The following MMP16 variants were observed in gnomAD, a reference collection of about 807,000 sequenced individuals.
MMP16 encodes matrix metalloproteinase-16.
A neutral mutation model predicts 67.8 loss-of-function variants in MMP16; 12 were observed. The ratio of observed to expected loss-of-function variants is 0.18; its 90% CI spans 0.11 to 0.29. MMP16 has a LOEUF of 0.29. MMP16 is among the 10% of genes least tolerant of loss of function. The probability of loss-of-function intolerance (pLI) is 1.00; values close to 1 mark genes in which losing one functional copy is unlikely to be tolerated. For synonymous variants in MMP16, 249 were observed against 255.9 expected, an observed-to-expected ratio of 0.97 and a Z score of 0.26; for missense variants, 475 against 765.7, an observed-to-expected ratio of 0.62 and a Z score of 4.48.
At chr8:88,218,016 ATTG>A (rs978627717) in intron 1 of MMP16, among the ~76,000 whole-genome samples, 5 of 151,882 alleles carry the variant, frequency 3.3e-5, no homozygotes, top group Non-Finnish European at 7.4e-5. Flanking sequence ...ATTTACTTTT[ATTG>A]TTTTGTTTCA....
chr8:88,299,195 T>C (rs1285781013), intron 1 of MMP16, among the ~76,000 whole-genome samples: 1 of 152,150 alleles, frequency 6.6e-6, no homozygotes, highest in African/African-American at 2.4e-5. Flanking sequence ...AGAAAATATA[T>C]TGCAAACAGA....
At chr8:88,159,892 T>G (rs1265239934) in intron 4 of MMP16, among the ~76,000 whole-genome samples, 1 of 152,154 alleles carries the variant, frequency 6.6e-6, no homozygotes, top group African/African-American at 2.4e-5. Flanking sequence ...GAGATAATCA[T>G]GCGGTTTTCG....
At chr8:88,245,276 A>C (rs1315184486) in intron 1 of MMP16, among the ~76,000 whole-genome samples, 5 of 152,204 alleles carry the variant, frequency 3.3e-5, no homozygotes, top group Admixed American at 2.6e-4. Context: ...GGGACCAATA[A>C]ATATACAGGC....
intron 2 of MMP16, among the ~76,000 whole-genome samples, chr8:88,192,919 C>T (rs994369614): frequency 2.0e-5 from 3 of 151,932 alleles, no homozygotes; most frequent in African/African-American, 7.3e-5. Context: ...AGCTGGGGGG[C>T]ATCTGAAGAA....
chr8:88,286,130 A>G (rs28630437), intron 1 of MMP16, among the ~76,000 whole-genome samples: 18,600 of 151,960 alleles, frequency 0.12, 1,239 homozygotes, highest in Non-Finnish European at 0.15. Context: ...ACTCCTTCCC[A>G]CTCAATACAC....
rs1809479484 is a variant in MMP16, at chr8:88,118,694, A to G, written c.871+6T>C. 1 of 1,611,940 alleles carries G rather than the reference A, an allele frequency of 6.2e-7. No individual in the cohort carries two copies. Among genetic ancestry groups the G allele is most frequent in the Non-Finnish European group, 8.5e-7 (1 of 1,178,700 alleles). On this transcript the variant is annotated splice_donor_region_variant and intron_variant, in intron 5 of 9. Coordinates refer to ENST00000286614, the MANE Select transcript of MMP16 (RefSeq NM_005941.5). ...GATTAAGCAAATTGAAACAGTAGTAACCTACCATATATCTTCTGGATGCCC... is the reference window on the plus strand; with the variant it reads ...GATTAAGCAAATTGAAACAGTAGTAGCCTACCATATATCTTCTGGATGCCC...
At chr8:88,064,547 C>T (rs868228931) in intron 7 of MMP16, among the ~76,000 whole-genome samples, 2 of 152,076 alleles carry the variant, frequency 1.3e-5, no homozygotes, top group Middle Eastern at 3.4e-3. Flanking sequence ...TAACTTAATG[C>T]TCGCTTGGAA....
intron 1 of MMP16, among the ~76,000 whole-genome samples, chr8:88,289,348 G>A (rs1810884436): frequency 6.6e-6 from 1 of 152,032 alleles, no homozygotes; most frequent in South Asian, 2.1e-4. Flanking sequence ...TGGAGAAAAA[G>A]GAACATTTTA....
intron 3 of MMP16, among the ~76,000 whole-genome samples, chr8:88,179,596 CTT>C (rs1035540912): frequency 3.3e-5 from 5 of 152,040 alleles, no homozygotes; most frequent in Non-Finnish European, 7.4e-5. Flanking sequence ...CTAACAATAA[CTT>C]TTCAAAATAA....
chr8:88,167,014 C>T (rs1367482605), intron 4 of MMP16, among the ~76,000 whole-genome samples: 1 of 151,902 alleles, frequency 6.6e-6, no homozygotes, highest in African/African-American at 2.4e-5. Flanking sequence ...GAGTTAGAGA[C>T]CAGCCTGACC....
At chr8:88,285,524 C>G (rs1306111874) in intron 1 of MMP16, among the ~76,000 whole-genome samples, 1 of 152,144 alleles carries the variant, frequency 6.6e-6, no homozygotes, top group East Asian at 1.9e-4. Context: ...AAGTTCTTCA[C>G]TTTCAAAGTA....
chr8:88,269,634 A>G (rs1359438531), intron 1 of MMP16, among the ~76,000 whole-genome samples: 1 of 152,200 alleles, frequency 6.6e-6, no homozygotes, highest in African/African-American at 2.4e-5. Context: ...CAGCCTGGAA[A>G]ATAGTCACTG....
intron 1 of MMP16, among the ~76,000 whole-genome samples, chr8:88,277,345 T>C (rs1296684208): frequency 6.6e-6 from 1 of 152,200 alleles, no homozygotes; most frequent in African/African-American, 2.4e-5. Flanking sequence ...AAGTATTCTA[T>C]TCAGGTTATT....
intron 4 of MMP16, among the ~76,000 whole-genome samples, chr8:88,128,949 T>G (rs147553781): frequency 6.6e-6 from 1 of 151,906 alleles, no homozygotes; most frequent in East Asian, 2.0e-4. Context: ...AATTCCCAGC[T>G]CTTGAGGACT....
chr8:88,093,193 A>G (rs1808968138), intron 6 of MMP16, among the ~76,000 whole-genome samples: 3 of 151,840 alleles, frequency 2.0e-5, no homozygotes, highest in Non-Finnish European at 1.5e-5. Context: ...ATGCTAGCAA[A>G]ACACTGGGAG....
chr8:88,318,956 G>A (rs1456547570), intron 1 of MMP16, among the ~76,000 whole-genome samples: 1 of 152,144 alleles, frequency 6.6e-6, no homozygotes, highest in African/African-American at 2.4e-5. Context: ...TTCAGGGACT[G>A]AGACACCATG....
At chr8:88,313,259 G>C (rs894628855) in intron 1 of MMP16, among the ~76,000 whole-genome samples, 1 of 152,152 alleles carries the variant, frequency 6.6e-6, no homozygotes, top group Non-Finnish European at 1.5e-5. Flanking sequence ...CTGTGCTGGA[G>C]ATAAATCTTT....
intron 6 of MMP16, among the ~76,000 whole-genome samples, chr8:88,093,607 G>T (rs1808976259): frequency 6.6e-6 from 1 of 151,774 alleles, no homozygotes; most frequent in Non-Finnish European, 1.5e-5. Context: ...TTGGTATCCA[G>T]ATTTTAGCTG....
chr8:88,271,019 A>C (rs1431487829), intron 1 of MMP16, among the ~76,000 whole-genome samples: 1 of 152,224 alleles, frequency 6.6e-6, no homozygotes, highest in Non-Finnish European at 1.5e-5. Flanking sequence ...AGATGAATGA[A>C]TAATAAATGA....
Sources: gnomAD v4.1 joint callset for allele counts (sites outside exome capture counted in the v4.1 genomes callset) on GRCh38, gnomAD v4.1.1 for gene constraint, MANE v1.5 for transcripts, NCBI Gene and HGNC (gene_info 2026-07-23, HGNC 2026-07-21) for gene names.